SLC24A2: variants seen among roughly 807,000 people sequenced by gnomAD.
SLC24A2 encodes sodium/potassium/calcium exchanger 2.
In SLC24A2, 36 loss-of-function variants were observed where a neutral mutation model predicts 62.0. The observed-to-expected ratio is 0.58, with a 90% CI of 0.44 to 0.77. The LOEUF (loss-of-function observed/expected upper bound fraction) is 0.77, where lower values mean the gene tolerates loss of function less well. SLC24A2 is among the 30% of genes least tolerant of loss of function. The pLI is 0.00. For missense variants in SLC24A2, 846 were observed against 817.9 expected, an observed-to-expected ratio of 1.03 and a Z score of -0.42; for synonymous variants, 358 against 294.0, an observed-to-expected ratio of 1.22 and a Z score of -2.23.
chr9:19,724,337 G>C (rs1447255247), intron 2 of SLC24A2, among the ~76,000 whole-genome samples: 1 of 152,142 alleles, frequency 6.6e-6, no homozygotes, highest in African/African-American at 2.4e-5. Context: ...AGCAGCATGT[G>C]ATAACAGCTG....
At chr9:19,805,807 G>C in the SLC24A2 span, among the ~76,000 whole-genome samples, 2 of 145,370 alleles carry the variant, frequency 1.4e-5, no homozygotes, top group African/African-American at 5.0e-5. Flanking sequence ...GTGGCCTAAA[G>C]CTCAAACACT....
the SLC24A2 span, among the ~76,000 whole-genome samples, chr9:20,179,440 G>A: frequency 6.6e-6 from 1 of 152,192 alleles, no homozygotes; most frequent in Non-Finnish European, 1.5e-5. Context: ...ACTGATGGCG[G>A]TGATAAAATA....
At chr9:20,058,832 T>C in the SLC24A2 span, among the ~76,000 whole-genome samples, 1 of 152,228 alleles carries the variant, frequency 6.6e-6, no homozygotes, top group African/African-American at 2.4e-5. Context: ...CTGATTTCCA[T>C]TGTCTTGTAA....
At chr9:19,675,703 G>A (rs1197664686) in intron 2 of SLC24A2, among the ~76,000 whole-genome samples, 1 of 151,996 alleles carries the variant, frequency 6.6e-6, no homozygotes, top group African/African-American at 2.4e-5. Flanking sequence ...CGCTCCTACC[G>A]TGCCCCCACA....
At chr9:20,240,071 C>A in the SLC24A2 span, among the ~76,000 whole-genome samples, 1 of 152,022 alleles carries the variant, frequency 6.6e-6, no homozygotes, top group Non-Finnish European at 1.5e-5. Flanking sequence ...CCTTCTGGCC[C>A]ATGAACTGAT....
the SLC24A2 span, among the ~76,000 whole-genome samples, chr9:20,204,804 C>T: frequency 6.8e-6 from 1 of 146,682 alleles, no homozygotes; most frequent in African/African-American, 2.5e-5. Context: ...AATGCAGTGG[C>T]ATAATCTTGG....
At chr9:20,237,209 G>T in the SLC24A2 span, among the ~76,000 whole-genome samples, 1 of 152,108 alleles carries the variant, frequency 6.6e-6, no homozygotes, top group East Asian at 1.9e-4. Context: ...TTCTGCTTGA[G>T]CATAAAGCAT....
chr9:20,228,844 G>A, the SLC24A2 span, among the ~76,000 whole-genome samples: 4 of 152,172 alleles, frequency 2.6e-5, no homozygotes, highest in African/African-American at 7.2e-5. Context: ...AGCTAAGGCT[G>A]TTCACTCTGT....
chr9:19,731,655 G>A (rs1299185031), intron 2 of SLC24A2, among the ~76,000 whole-genome samples: 1 of 152,276 alleles, frequency 6.6e-6, no homozygotes, highest in East Asian at 1.9e-4. Context: ...CCAGCCTCCA[G>A]TACTGTGAGA....
the SLC24A2 span, among the ~76,000 whole-genome samples, chr9:19,863,176 T>C: frequency 1.3e-5 from 2 of 151,964 alleles, no homozygotes; most frequent in Non-Finnish European, 2.9e-5. Flanking sequence ...AGGGGTCAAT[T>C]CAGCAAGAAT....
chr9:19,604,956 T>G (rs1238656325), intron 4 of SLC24A2, among the ~76,000 whole-genome samples: 1 of 152,220 alleles, frequency 6.6e-6, no homozygotes, highest in Non-Finnish European at 1.5e-5. Flanking sequence ...TCCTTTAAAT[T>G]CCATCTGTTG....
At chr9:20,091,038 C>T in the SLC24A2 span, among the ~76,000 whole-genome samples, 1 of 151,060 alleles carries the variant, frequency 6.6e-6, no homozygotes, top group Non-Finnish European at 1.5e-5. Flanking sequence ...GAAAAACACA[C>T]CACAAGAATT....
At chr9:20,256,550 C>G in the SLC24A2 span, among the ~76,000 whole-genome samples, 1 of 152,186 alleles carries the variant, frequency 6.6e-6, no homozygotes, top group Non-Finnish European at 1.5e-5. Flanking sequence ...TGCCCTACTG[C>G]TACCTCTTGG....
chr9:20,209,799 C>T, the SLC24A2 span, among the ~76,000 whole-genome samples: 1 of 152,238 alleles, frequency 6.6e-6, no homozygotes, highest in African/African-American at 2.4e-5. Flanking sequence ...CACAGTGGAA[C>T]AGGAATCAAT....
intron 2 of SLC24A2, among the ~76,000 whole-genome samples, chr9:19,671,056 TGTTTGGAAAACCAAACATCACATGTGAAG>T (rs1819398400): frequency 8.4e-5 from 6 of 71,700 alleles, no homozygotes; most frequent in East Asian, 2.0e-3. Context: ...CAGCATTTAC[TGTTTGGAAAACCAAACATCACATGTGAAG>T]AATGATGGTG....
chr9:20,154,158 A>T, the SLC24A2 span, among the ~76,000 whole-genome samples: 1 of 151,914 alleles, frequency 6.6e-6, no homozygotes, highest in Non-Finnish European at 1.5e-5. Flanking sequence ...TACAATAGCA[A>T]ATTAGGGAAA....
the SLC24A2 span, among the ~76,000 whole-genome samples, chr9:19,990,504 G>A: frequency 6.6e-6 from 1 of 151,726 alleles, no homozygotes; most frequent in Non-Finnish European, 1.5e-5. Context: ...CCAGCTACTT[G>A]GGAGGATGAG....
chr9:20,008,904 C>T, the SLC24A2 span, among the ~76,000 whole-genome samples: 1 of 152,160 alleles, frequency 6.6e-6, no homozygotes, highest in Non-Finnish European at 1.5e-5. Context: ...CTCTCCCCCA[C>T]AGAAATCCAA....
chr9:19,932,776 C>T, the SLC24A2 span, among the ~76,000 whole-genome samples: 3 of 152,282 alleles, frequency 2.0e-5, no homozygotes, highest in South Asian at 6.2e-4. Context: ...TGCATAGGTC[C>T]TTTCCTATCA....
Sources: gnomAD v4.1 joint callset for allele counts (sites outside exome capture counted in the v4.1 genomes callset) on GRCh38, gnomAD v4.1.1 for gene constraint, MANE v1.5 for transcripts, NCBI Gene and HGNC (gene_info 2026-07-23, HGNC 2026-07-21) for gene names.